Variants in ABLIM2 observed in about 807,000 individuals in gnomAD.
ABLIM2 encodes the protein actin binding LIM protein family member 2, also known as actin-binding LIM protein 2.
ABLIM2 carries 53 observed loss-of-function variants against 97.7 expected under a neutral mutation model. The ratio of observed to expected loss-of-function variants is 0.54; its 90% confidence interval spans 0.44 to 0.68. ABLIM2 has a LOEUF of 0.68. Ranked by LOEUF, ABLIM2 falls within the 30% of genes least tolerant of loss-of-function variation. The pLI is 0.00. For missense variants in ABLIM2, 835 were observed against 867.2 expected, an observed-to-expected ratio of 0.96 and a Z score of 0.47; for synonymous variants, 361 against 345.8, an observed-to-expected ratio of 1.04 and a Z score of -0.49.
At position 8,122,132 on chromosome 4, in the gene ABLIM2, C is replaced by T. The variant is rs1318851065; in HGVS notation, c.11-15495G>A. 6.6e-6 allele frequency among the ~76,000 whole-genome samples: 1 copy of T among 152,220 alleles called. No individual in the cohort carries two copies. Among genetic ancestry groups the T allele is most frequent in the Admixed American group, 6.5e-5 (1 of 15,286 alleles). On this transcript the variant is annotated intron_variant, in intron 1 of 20. Coordinates refer to ENST00000447017, the MANE Select transcript of ABLIM2 (RefSeq NM_001130083.2). The surrounding 1 kb of genome is among the most constrained non-coding windows in gnomAD (Gnocchi z 4.1). ...CAAGCATATACTGGCCACACCTCAGCTGCAACCCACTCCTCCCCAGGCCTT... is the reference window on the plus strand; with the variant it reads ...CAAGCATATACTGGCCACACCTCAGTTGCAACCCACTCCTCCCCAGGCCTT...
chr4:8,040,483 C>A (rs572317510), intron 9 of ABLIM2, among the ~76,000 whole-genome samples: 1 of 151,986 alleles, frequency 6.6e-6, no homozygotes, highest in South Asian at 2.1e-4. Flanking sequence ...TGGTGGTGGG[C>A]GCCTGTAATC....
rs1561601359 is a variant in ABLIM2, at chr4:8,129,268, C to CT, written c.11-22632_11-22631insA. Among the ~76,000 whole-genome samples, 4 of 152,120 alleles carry CT rather than the reference C, an allele frequency of 2.6e-5. No homozygotes were observed. In the East Asian group the frequency reaches 7.7e-4, roughly 29 times the overall value. ...GAATAAAAAGCAGAAATACGTATGC[C>CT]CCGCCCCCTCTGTGACTCACTCAAA... On this transcript the variant is annotated intron_variant, in intron 1 of 20. Coordinates refer to ENST00000447017, the MANE Select transcript of ABLIM2 (RefSeq NM_001130083.2).
rs1383384360 is a variant in ABLIM2 at position 7,996,092 on chromosome 4, C to T, written c.1619-3165G>A. 2.6e-5 allele frequency among the ~76,000 whole-genome samples: 4 copies of T among 152,168 alleles called. No homozygotes were observed. The highest frequency in any genetic ancestry group is 1.9e-4 in the East Asian group (1 of 5,184). On this transcript the variant is annotated intron_variant, in intron 16 of 20. Coordinates refer to ENST00000447017, the MANE Select transcript of ABLIM2 (RefSeq NM_001130083.2). The surrounding 1 kb of genome is among the most constrained non-coding windows in gnomAD (Gnocchi z 4.5). ...AGCCCGAGGGCCCCTCCAGCTGCAG[C>T]GGGAGCTCCTTATCAGCAAAGGTGC... is the stretch of plus-strand genomic sequence containing the variant.
At chr4:7,991,290 C>T (rs1313989664) in intron 17 of ABLIM2, among the ~76,000 whole-genome samples, 2 of 152,222 alleles carry the variant, frequency 1.3e-5, no homozygotes, top group Non-Finnish European at 2.9e-5. Flanking sequence ...ACAGCCCAGG[C>T]GTCAGTGACG....
In ABLIM2 at chr4:7,998,896, T is replaced by C. The variant is rs909177436; in HGVS notation, c.1619-5969A>G. On this transcript the variant is annotated intron_variant, in intron 16 of 20. Coordinates refer to ENST00000447017, the MANE Select transcript of ABLIM2 (RefSeq NM_001130083.2). This position sits in a 1 kb window ranked among gnomAD's most constrained non-coding sequence, Gnocchi z 6.4. ...GTCTGCCGTATCATTTGCAGGTCCG[T>C]TTAGCTGTATGTAGCAGAGAAGAGC... Among the ~76,000 whole-genome samples the C allele has an allele frequency of 6.6e-6, 1 of 152,142 alleles. No individual in the cohort carries two copies. Among genetic ancestry groups the C allele is most frequent in the East Asian group, 1.9e-4 (1 of 5,200 alleles).
intron 8 of ABLIM2, among the ~76,000 whole-genome samples, chr4:8,052,574 C>A (rs1796726241): frequency 6.6e-6 from 1 of 152,236 alleles, no homozygotes. Flanking sequence ...CCTCCCCTGC[C>A]AAAAGCAGAG....
intron 12 of ABLIM2, chr4:8,020,869 T>G (rs1032910135): frequency 1.8e-3 from 202 of 112,410 alleles, no homozygotes; most frequent in African/African-American, 6.6e-3. Context: ...TTTTTTTTTT[T>G]GGGACAGTGT....
At chr4:8,107,450 G>A (rs1176179144) in intron 1 of ABLIM2, among the ~76,000 whole-genome samples, 2 of 152,372 alleles carry the variant, frequency 1.3e-5, no homozygotes, top group Non-Finnish European at 2.9e-5. Context: ...CCAGGTGGCC[G>A]AGCTGGCATC....
chr4:8,153,133 G>T (rs1168628666), intron 1 of ABLIM2, among the ~76,000 whole-genome samples: 2 of 152,148 alleles, frequency 1.3e-5, no homozygotes, highest in African/African-American at 2.4e-5. Context: ...GACAAGACAG[G>T]CCCCTTCATC....
rs1801102919 is a variant in ABLIM2, at chr4:8,058,903, G to T, written c.763+2064C>A. On this transcript the variant is annotated intron_variant, in intron 7 of 20. Transcript: ENST00000447017. This position sits in a 1 kb window ranked among gnomAD's most constrained non-coding sequence, Gnocchi z 4.2. ...CGACTCAGTCCTTAGCCTGTCTTCG[G>T]CAACCATCTTGTGGGGTCAGTTCAG... Among the ~76,000 whole-genome samples the T allele has an allele frequency of 2.0e-5, 3 of 152,032 alleles. No individual in the cohort carries two copies. Among genetic ancestry groups the T allele is most frequent in the Non-Finnish European group, 2.9e-5 (2 of 68,016 alleles).
rs1188437549 is a variant in ABLIM2, at chr4:7,970,940, C to T, written c.1825-3837G>A. Reference sequence around the variant, plus strand: ...AGGGGGCTGACAGGGACCACCTCCCCGCAGGCTCCAGTCCTGTTTTCTGTC... The same window carrying T: ...AGGGGGCTGACAGGGACCACCTCCCTGCAGGCTCCAGTCCTGTTTTCTGTC... On this transcript the variant is annotated intron_variant, in intron 20 of 20. Transcript: ENST00000447017. The surrounding 1 kb of genome is among the most constrained non-coding windows in gnomAD (Gnocchi z 5.3). Among the ~76,000 whole-genome samples the T allele has an allele frequency of 2.6e-5, 4 of 152,018 alleles. No individual in the cohort carries two copies. The highest frequency in any genetic ancestry group is 2.1e-4 in the South Asian group (1 of 4,828).
In ABLIM2 at chr4:8,054,782, C is replaced by G. The variant is rs369864387; in HGVS notation, c.764-536G>C. Among the ~76,000 whole-genome samples, 82 of 152,192 alleles carry G rather than the reference C, an allele frequency of 5.4e-4. 2 individuals carry two copies. The South Asian group carries it at 0.017, about 31-fold the overall frequency. On this transcript the variant is annotated intron_variant, in intron 7 of 20. Coordinates refer to ENST00000447017, the MANE Select transcript of ABLIM2 (RefSeq NM_001130083.2). This position sits in a 1 kb window ranked among gnomAD's most constrained non-coding sequence, Gnocchi z 4.9. Reference sequence around the variant, plus strand: ...GAACCTCAGCTGGGAAGTGGGCCTGCTCCTTAGGGTATGGGGTGAAGAACA... The same window carrying G: ...GAACCTCAGCTGGGAAGTGGGCCTGGTCCTTAGGGTATGGGGTGAAGAACA...
chr4:8,141,254 C>T (rs533339322), intron 1 of ABLIM2, among the ~76,000 whole-genome samples: 198 of 151,990 alleles, frequency 1.3e-3, no homozygotes, highest in Non-Finnish European at 2.5e-3. Context: ...AGATCACAAA[C>T]ATCGAAGTGC....
At chr4:7,997,477 T>A (rs1358063460) in intron 16 of ABLIM2, among the ~76,000 whole-genome samples, 1 of 152,222 alleles carries the variant, frequency 6.6e-6, no homozygotes, top group Non-Finnish European at 1.5e-5. Flanking sequence ...TCTGTTAATT[T>A]TTCCCCCTAT....
intron 9 of ABLIM2, among the ~76,000 whole-genome samples, chr4:8,042,839 CAAAA>C (rs35649540): frequency 5.0e-4 from 31 of 62,390 alleles, no homozygotes; most frequent in Admixed American, 1.4e-3. Context: ...AACTCCAACT[CAAAA>C]AAAAAAAAAA....
rs1465294434 is a variant in ABLIM2, at chr4:8,046,393, G to GCCACCTGC, written c.823-1160_823-1153dup. Among the ~76,000 whole-genome samples the GCCACCTGC allele has an allele frequency of 6.6e-6, 1 of 151,950 alleles. No homozygotes were observed. The highest frequency in any genetic ancestry group is 1.5e-5 in the Non-Finnish European group (1 of 67,968). On this transcript the variant is annotated intron_variant, in intron 8 of 20. Transcript: ENST00000447017. This position sits in a 1 kb window ranked among gnomAD's most constrained non-coding sequence, Gnocchi z 4.4. ...CTCCTGGTTCAGCCCTCACTCCTGGGCCACCTGCCTGGCCTTCCCCACGCC... is the reference window on the plus strand; with the variant it reads ...CTCCTGGTTCAGCCCTCACTCCTGGGCCACCTGCCCACCTGCCTGGCCTTCCCCACGCC...
chr4:8,141,994 G>T (rs918935695), intron 1 of ABLIM2, among the ~76,000 whole-genome samples: 8 of 152,326 alleles, frequency 5.3e-5, no homozygotes, highest in African/African-American at 1.9e-4. Context: ...GGAACAAGCT[G>T]CTTGGCCATG....
chr4:7,966,143 A>G lies in ABLIM2; in HGVS notation c.*847T>C, dbSNP rs1028216202. The G allele has an allele frequency of 6.6e-6, 1 of 152,408 alleles. No homozygotes were observed. Among genetic ancestry groups the G allele is most frequent in the Non-Finnish European group, 1.5e-5 (1 of 68,078 alleles). 9.4% of individuals were successfully genotyped at this position (152,408 alleles called of 1,614,324 possible). ...AAAAAGAAAAAAGAAAAAGAAAAGAAACTAGACAGGGAGCTCTGTGTATGA... is the reference window on the plus strand; with the variant it reads ...AAAAAGAAAAAAGAAAAAGAAAAGAGACTAGACAGGGAGCTCTGTGTATGA... On this transcript the variant is annotated 3_prime_UTR_variant, in exon 21 of 21. Coordinates refer to ENST00000447017, the MANE Select transcript of ABLIM2 (RefSeq NM_001130083.2).
At chr4:8,026,411 G>A (rs1379087910) in intron 12 of ABLIM2, among the ~76,000 whole-genome samples, 1 of 152,218 alleles carries the variant, frequency 6.6e-6, no homozygotes, top group Non-Finnish European at 1.5e-5. Context: ...CTCTCAGTAG[G>A]CCACGGGGCC....
Sources: gnomAD v4.1 joint callset for allele counts (sites outside exome capture counted in the v4.1 genomes callset) on GRCh38, gnomAD v4.1.1 for gene constraint, Gnocchi (gnomAD v3.1) non-coding constraint, MANE v1.5 for transcripts, NCBI Gene and HGNC (gene_info 2026-07-23, HGNC 2026-07-21) for gene names.